PCCA: variants seen among roughly 807,000 people sequenced by gnomAD.
PCCA encodes the protein propionyl-CoA carboxylase subunit alpha.
In PCCA, 74 loss-of-function variants were observed where a neutral mutation model predicts 101.3. The observed-to-expected ratio is 0.73, with a 90% CI of 0.61 to 0.89. The LOEUF (loss-of-function observed/expected upper bound fraction) is 0.89. Ranked by LOEUF, PCCA falls within the 40% of genes least tolerant of loss-of-function variation. The pLI is 0.00. For synonymous variants in PCCA, 294 were observed against 313.6 expected, an observed-to-expected ratio of 0.94 and a Z score of 0.66; for missense variants, 891 against 907.0, an observed-to-expected ratio of 0.98 and a Z score of 0.23.
At chr13:100,340,965 T>C (rs2071218633) in intron 18 of PCCA, among the ~76,000 whole-genome samples, 1 of 152,194 alleles carries the variant, frequency 6.6e-6, no homozygotes. Flanking sequence ...GGTGATGAAC[T>C]AGCTTTGAAA....
intron 21 of PCCA, among the ~76,000 whole-genome samples, chr13:100,459,352 A>G (rs2082022978): frequency 6.6e-6 from 1 of 152,208 alleles, no homozygotes; most frequent in Non-Finnish European, 1.5e-5. Context: ...CTTGACACAC[A>G]TGTAAAGCTA....
chr13:100,395,899 A>AG (rs1250053303), intron 19 of PCCA, among the ~76,000 whole-genome samples: 1 of 152,176 alleles, frequency 6.6e-6, no homozygotes, highest in African/African-American at 2.4e-5. Flanking sequence ...TATCATGCAG[A>AG]GTGGGCAGTC....
chr13:100,189,044 C>T (rs113650893), intron 6 of PCCA, among the ~76,000 whole-genome samples: 1 of 152,008 alleles, frequency 6.6e-6, no homozygotes, highest in Non-Finnish European at 1.5e-5. Flanking sequence ...CCTAGCCCCC[C>T]ACCCCCTGAC....
intron 18 of PCCA, among the ~76,000 whole-genome samples, chr13:100,346,880 T>G (rs1466180474): frequency 6.8e-6 from 1 of 146,080 alleles, no homozygotes; most frequent in Admixed American, 6.9e-5. Flanking sequence ...AGTAATAAAG[T>G]TTTTTTTTTT....
chr13:100,204,025 A>G (rs367617933), intron 6 of PCCA, among the ~76,000 whole-genome samples: 2 of 152,052 alleles, frequency 1.3e-5, no homozygotes, highest in Admixed American at 6.6e-5. Flanking sequence ...TCCTGAACCA[A>G]TCCTGGAACT....
chr13:100,102,741 A>G (rs921119600), intron 1 of PCCA, 142 bp from the exon 2 acceptor site: 33 of 647,184 alleles, frequency 5.1e-5, no homozygotes, highest in Non-Finnish European at 8.6e-5. Flanking sequence ...TCCCTTTTGT[A>G]ATTATATTTA....
intron 6 of PCCA, among the ~76,000 whole-genome samples, chr13:100,177,194 G>A (rs1166215941): frequency 1.3e-5 from 2 of 152,194 alleles, no homozygotes; most frequent in East Asian, 3.8e-4. Context: ...ATTTTGCAAT[G>A]CTAAGCAACT....
intron 6 of PCCA, among the ~76,000 whole-genome samples, chr13:100,195,065 G>A (rs1325326260): frequency 1.3e-5 from 2 of 152,070 alleles, no homozygotes; most frequent in Non-Finnish European, 2.9e-5. Context: ...TTGAATCAGG[G>A]AGAAATGAAA....
At chr13:100,501,268 A>G (rs1267204330) in intron 21 of PCCA, among the ~76,000 whole-genome samples, 1 of 152,228 alleles carries the variant, frequency 6.6e-6, no homozygotes, top group African/African-American at 2.4e-5. Context: ...TGTGACATGC[A>G]TAGATTGAAT....
At chr13:100,322,058 T>A (rs1414412039) in intron 16 of PCCA, among the ~76,000 whole-genome samples, 4 of 152,150 alleles carry the variant, frequency 2.6e-5, no homozygotes, top group Admixed American at 6.6e-5. Context: ...CTAAATACAG[T>A]GGGATAAATA....
chr13:100,479,020 G>A (rs567296291), intron 21 of PCCA, among the ~76,000 whole-genome samples: 2 of 152,126 alleles, frequency 1.3e-5, no homozygotes, highest in African/African-American at 2.4e-5. Flanking sequence ...TTTCTGGGAC[G>A]TTACCTAAAA....
intron 7 of PCCA, among the ~76,000 whole-genome samples, chr13:100,223,787 C>T (rs1220996666): frequency 6.6e-6 from 1 of 152,076 alleles, no homozygotes; most frequent in African/African-American, 2.4e-5. Flanking sequence ...TCTCCACATC[C>T]CCACCAGATT....
At chr13:100,404,347 G>A (rs1225161282) in intron 19 of PCCA, among the ~76,000 whole-genome samples, 7 of 152,150 alleles carry the variant, frequency 4.6e-5, no homozygotes, top group Non-Finnish European at 1.0e-4. Flanking sequence ...AAGCCAACCC[G>A]TTTAAGGTTT....
At chr13:100,224,477 C>T (rs953189883) in intron 7 of PCCA, among the ~76,000 whole-genome samples, 1 of 152,222 alleles carries the variant, frequency 6.6e-6, no homozygotes, top group African/African-American at 2.4e-5. Flanking sequence ...CTGGCCTTGG[C>T]CAGCCCAGAA....
chr13:100,398,872 T>A (rs929175824), intron 19 of PCCA, among the ~76,000 whole-genome samples: 1 of 152,198 alleles, frequency 6.6e-6, no homozygotes, highest in Non-Finnish European at 1.5e-5. Flanking sequence ...TTGTGAAATT[T>A]AAAAATTTAC....
chr13:100,239,845 TG>T (rs1261912286), intron 8 of PCCA, among the ~76,000 whole-genome samples: 2 of 152,144 alleles, frequency 1.3e-5, no homozygotes, highest in Non-Finnish European at 2.9e-5. Context: ...CTTTTTTTTT[TG>T]ATCCTCAGGT....
intron 8 of PCCA, among the ~76,000 whole-genome samples, chr13:100,248,294 TG>T (rs1230061948): frequency 6.6e-6 from 1 of 152,152 alleles, no homozygotes; most frequent in Admixed American, 6.5e-5. Flanking sequence ...TTCTTTTTGA[TG>T]ACGACTTTAA....
intron 20 of PCCA, among the ~76,000 whole-genome samples, chr13:100,436,058 AGAG>A (rs370616176): frequency 0.02 from 2,807 of 138,654 alleles, 39 homozygotes; most frequent in Non-Finnish European, 0.03. Flanking sequence ...AAAAAAAAAA[AGAG>A]AGAGAGAGAA....
chr13:100,464,339 T>C (rs1001514916), intron 21 of PCCA: 2 of 152,208 alleles, frequency 1.3e-5, no homozygotes. Flanking sequence ...TGGTCCTCAA[T>C]TTTTTCATCA....
Sources: gnomAD v4.1 joint callset for allele counts (sites outside exome capture counted in the v4.1 genomes callset) on GRCh38, gnomAD v4.1.1 for gene constraint, MANE v1.5 for transcripts, NCBI Gene and HGNC (gene_info 2026-07-23, HGNC 2026-07-21) for gene names.